The following ROR1 variants were observed in gnomAD, a reference collection of about 807,000 sequenced individuals.
ROR1 encodes inactive tyrosine-protein kinase transmembrane receptor ROR1.
Under a neutral mutation model 78.8 loss-of-function variants are expected in ROR1, and 19 were observed. That is an observed-to-expected ratio of 0.24 (90% confidence interval 0.17 to 0.35). ROR1 has a LOEUF of 0.35. ROR1 is among the 10% of genes least tolerant of loss of function. The pLI, the probability that ROR1 is intolerant of heterozygous loss-of-function variation, is 1.00. For missense variants in ROR1, 917 were observed against 1,177.8 expected, an observed-to-expected ratio of 0.78 and a Z score of 3.24; for synonymous variants, 386 against 433.6, an observed-to-expected ratio of 0.89 and a Z score of 1.36.
At chr1:64,142,876 A>G in intron 7 of ROR1, 3 of 1,378,752 alleles carry the variant, frequency 2.2e-6, no homozygotes, top group East Asian at 5.6e-5. Flanking sequence ...CAGCCATTGC[A>G]CTCATGGATG....
intron 4 of ROR1, among the ~76,000 whole-genome samples, chr1:64,136,820 G>T (rs1466172124): frequency 6.6e-6 from 1 of 152,092 alleles, no homozygotes; most frequent in Non-Finnish European, 1.5e-5. Flanking sequence ...ACTATGGTTT[G>T]CCCTGGTCCT....
At chr1:63,805,807 G>A (rs1644824970) in intron 1 of ROR1, among the ~76,000 whole-genome samples, 1 of 152,178 alleles carries the variant, frequency 6.6e-6, no homozygotes, top group African/African-American at 2.4e-5. Flanking sequence ...TTTAAGGACA[G>A]GAGTTCATGA....
At chr1:63,876,880 A>G (rs911674634) in intron 1 of ROR1, among the ~76,000 whole-genome samples, 10 of 151,698 alleles carry the variant, frequency 6.6e-5, no homozygotes, top group African/African-American at 2.4e-4. Context: ...CTCATGTATT[A>G]TATTCTTACT....
intron 8 of ROR1, among the ~76,000 whole-genome samples, chr1:64,162,887 G>A (rs4556401): frequency 6.6e-6 from 1 of 151,762 alleles, no homozygotes; most frequent in Non-Finnish European, 1.5e-5. Flanking sequence ...TCCTTCCCTT[G>A]CCCCTACATC....
intron 1 of ROR1, among the ~76,000 whole-genome samples, chr1:63,968,547 C>T (rs1395837178): frequency 6.6e-6 from 1 of 151,998 alleles, no homozygotes; most frequent in Non-Finnish European, 1.5e-5. Flanking sequence ...GAAATATAGA[C>T]AATCCTGGTA....
intron 1 of ROR1, among the ~76,000 whole-genome samples, chr1:64,002,416 G>A (rs191239044): frequency 1.2e-4 from 19 of 152,268 alleles, no homozygotes; most frequent in South Asian, 2.1e-4. Flanking sequence ...GAGCCATTGC[G>A]CCCGGCCTGG....
At chr1:63,886,366 G>A (rs1349797204) in intron 1 of ROR1, among the ~76,000 whole-genome samples, 1 of 152,168 alleles carries the variant, frequency 6.6e-6, no homozygotes, top group East Asian at 1.9e-4. Context: ...TGGAAAATGA[G>A]GTGGTTGCAA....
chr1:64,083,536 T>TGTGTGTGTGTGTGTGTGTGTGTGTGTGTC (rs139973518), intron 4 of ROR1, among the ~76,000 whole-genome samples: 17,388 of 150,528 alleles, frequency 0.12, 1,133 homozygotes, highest in Middle Eastern at 0.19. Context: ...AGTGTGTGTG[T>TGTGTGTGTGTGTGTGTGTGTGTGTGTGTC]TTTAGGAACA....
rs1569891470 is a variant in ROR1, at chr1:63,907,446, A to G, written c.92-101859A>G. On this transcript the variant is annotated intron_variant, in intron 1 of 8. Transcript: ENST00000371079. ...CTATGCTAAGTGTTCAGTGCTTGCC[A>G]GGCACATTACACTTAAGTGGTAGCT... 2.6e-5 allele frequency among the ~76,000 whole-genome samples: 4 copies of G among 152,366 alleles called. No homozygotes were observed. In the South Asian group the frequency reaches 8.3e-4, roughly 32 times the overall value.
chr1:64,169,521 A>T (rs1650180046), intron 8 of ROR1, among the ~76,000 whole-genome samples: 1 of 152,076 alleles, frequency 6.6e-6, no homozygotes. Flanking sequence ...TCCCTCCCAC[A>T]CCATATGGGA....
At chr1:64,079,955 CTAT>C (rs1647087619) in intron 4 of ROR1, among the ~76,000 whole-genome samples, 1 of 152,038 alleles carries the variant, frequency 6.6e-6, no homozygotes, top group Non-Finnish European at 1.5e-5. Context: ...ATAATACTTA[CTAT>C]GGAGAGGGCT....
At chr1:63,838,292 G>T (rs1419003926) in intron 1 of ROR1, among the ~76,000 whole-genome samples, 1 of 151,758 alleles carries the variant, frequency 6.6e-6, no homozygotes, top group Admixed American at 6.6e-5. Flanking sequence ...CCTCCTGAAG[G>T]ACCTGAAGGC....
At chr1:64,099,598 AT>A (rs1647438747) in intron 4 of ROR1, among the ~76,000 whole-genome samples, 1 of 152,116 alleles carries the variant, frequency 6.6e-6, no homozygotes, top group Non-Finnish European at 1.5e-5. Context: ...AGAAATAATG[AT>A]AAAAATAAAT....
chr1:63,790,595 C>T (rs1644720299), intron 1 of ROR1, among the ~76,000 whole-genome samples: 1 of 152,236 alleles, frequency 6.6e-6, no homozygotes, highest in Non-Finnish European at 1.5e-5. Context: ...CAATCCTCCT[C>T]TTTCTCCTTT....
intron 4 of ROR1, among the ~76,000 whole-genome samples, chr1:64,103,513 C>T (rs76978175): frequency 0.12 from 18,057 of 151,946 alleles, 1,186 homozygotes; most frequent in Middle Eastern, 0.14. Context: ...TATATAATTG[C>T]CATTTCAATA....
At chr1:64,009,208 GC>G (rs1646455337) in intron 1 of ROR1, 96 bp from the exon 2 acceptor site, 2 of 914,130 alleles carry the variant, frequency 2.2e-6, no homozygotes, top group Non-Finnish European at 3.6e-6. Context: ...CCAAAGGCAG[GC>G]CCTTTGGAAA....
intron 1 of ROR1, among the ~76,000 whole-genome samples, chr1:63,787,472 TCCTTCCTTCCTG>T (rs1310985669): frequency 0.015 from 2,136 of 142,320 alleles, 15 homozygotes; most frequent in Middle Eastern, 0.035. Flanking sequence ...CTTCCTTCCT[TCCTTCCTTCCTG>T]CCTTCCTGCC....
intron 1 of ROR1, among the ~76,000 whole-genome samples, chr1:63,832,025 C>T (rs1358912229): frequency 2.0e-5 from 3 of 152,140 alleles, no homozygotes; most frequent in Non-Finnish European, 2.9e-5. Flanking sequence ...AAAATGCCAC[C>T]GGTCTCTTTG....
chr1:64,159,202 G>C lies in ROR1; in HGVS notation c.1386+10G>C. On this transcript the variant is annotated intron_variant, in intron 8 of 8. Coordinates refer to ENST00000371079, the MANE Select transcript of ROR1 (RefSeq NM_005012.4). ...TGCATATAAACCCAAGGTAATGTTA[G>C]CAGTACAGAGCTACATTTGTTCCGT... The C allele has an allele frequency of 2.5e-6, 4 of 1,590,650 alleles. No homozygotes were observed. In the South Asian group the frequency reaches 4.4e-5, roughly 18 times the overall value.
Sources: allele counts gnomAD v4.1 joint callset (sites outside exome capture counted in the v4.1 genomes callset), GRCh38; gene constraint gnomAD v4.1.1; transcripts MANE v1.5; gene names NCBI Gene and HGNC (gene_info 2026-07-23, HGNC 2026-07-21).